Variants in ERAP2 observed in about 807,000 individuals in gnomAD.
ERAP2 encodes the protein leukocyte-derived arginine aminopeptidase.
A neutral mutation model predicts 111.1 loss-of-function variants in ERAP2; 118 were observed. The observed-to-expected ratio is 1.06, with a 90% CI of 0.92 to 1.24. ERAP2 has a LOEUF of 1.24. ERAP2 is among the 50% of genes most tolerant of loss of function. The probability of loss-of-function intolerance (pLI) is 0.00; values close to 1 mark genes in which losing one functional copy is unlikely to be tolerated. For synonymous variants in ERAP2, 410 were observed against 401.2 expected, an observed-to-expected ratio of 1.02 and a Z score of -0.26; for missense variants, 1,131 against 1,125.8, an observed-to-expected ratio of 1.00 and a Z score of -0.07.
intron 13 of ERAP2, among the ~76,000 whole-genome samples, chr5:96,906,460 G>A (rs560451099): frequency 5.1e-4 from 78 of 152,142 alleles, no homozygotes; most frequent in African/African-American, 1.6e-3. Flanking sequence ...CAGAGATGGC[G>A]TCTGCCTATG....
intron 15 of ERAP2, among the ~76,000 whole-genome samples, chr5:96,912,279 TA>T (rs920284274): frequency 6.6e-6 from 1 of 151,878 alleles, no homozygotes; most frequent in African/African-American, 2.4e-5. Context: ...AAAAAAATCT[TA>T]TAGCACCAAT....
intron 15 of ERAP2, among the ~76,000 whole-genome samples, chr5:96,912,387 C>A (rs1422654852): frequency 6.6e-6 from 1 of 151,964 alleles, no homozygotes; most frequent in Admixed American, 6.6e-5. Context: ...ATTTTCACCT[C>A]AGAGTAGGTT....
intron 5 of ERAP2, among the ~76,000 whole-genome samples, chr5:96,891,069 A>G (rs2151145279): frequency 6.6e-6 from 1 of 152,310 alleles, no homozygotes; most frequent in Middle Eastern, 3.4e-3. Flanking sequence ...GCTAACGAAT[A>G]CTAATCTTTA....
At chr5:96,887,651 T>C (rs1783900704) in intron 4 of ERAP2, among the ~76,000 whole-genome samples, 1 of 152,248 alleles carries the variant, frequency 6.6e-6, no homozygotes, top group Non-Finnish European at 1.5e-5. Context: ...AAGATCTTTA[T>C]AATTTTTAGA....
intron 11 of ERAP2, 89 bp from the exon 12 acceptor site, chr5:96,902,185 G>C (rs1411608950): frequency 1.2e-6 from 1 of 852,666 alleles, no homozygotes; most frequent in African/African-American, 1.7e-5. Flanking sequence ...GGGTACTTAG[G>C]TGCCTTTTAC....
chr5:96,888,952 G>A (rs1784048066), intron 4 of ERAP2, among the ~76,000 whole-genome samples: 2 of 152,316 alleles, frequency 1.3e-5, no homozygotes, highest in South Asian at 2.1e-4. Context: ...AGTTACAGAT[G>A]AGCACTGAGG....
intron 5 of ERAP2, 57 bp from the exon 6 acceptor site, chr5:96,892,242 A>T (rs563179464): frequency 1.3e-6 from 2 of 1,578,550 alleles, no homozygotes; most frequent in Non-Finnish European, 1.7e-6. Context: ...CAGAGAGCAA[A>T]TTCTATTTCT....
At chr5:96,916,045 A>G (rs990129198) in intron 18 of ERAP2, among the ~76,000 whole-genome samples, 1 of 151,980 alleles carries the variant, frequency 6.6e-6, no homozygotes, top group Non-Finnish European at 1.5e-5. Context: ...ATATGGTGAA[A>G]CCCTGTCTCT....
At chr5:96,891,466 T>A (rs1171470797) in intron 5 of ERAP2, among the ~76,000 whole-genome samples, 1 of 139,952 alleles carries the variant, frequency 7.1e-6, no homozygotes, top group East Asian at 2.1e-4. Context: ...CACACACATA[T>A]ACAGGTATAT....
chr5:96,912,619 T>G lies in ERAP2; in HGVS notation c.2355-18T>G. ...CTTTCATAAAACTTTTTCTTCATTT[T>G]TATGCTTGATATTACAGTATACCAA... On this transcript the variant is annotated intron_variant, in intron 15 of 18. Coordinates refer to ENST00000437043, the MANE Select transcript of ERAP2 (RefSeq NM_022350.5). 6.4e-7 allele frequency: 1 copy of G among 1,573,900 alleles called. No individual in the cohort carries two copies. Among genetic ancestry groups the G allele is most frequent in the African/African-American group, 1.4e-5 (1 of 71,912 alleles).
intron 5 of ERAP2, among the ~76,000 whole-genome samples, chr5:96,891,521 ATATACG>A (rs1784381894): frequency 1.6e-4 from 5 of 30,450 alleles, no homozygotes; most frequent in Non-Finnish European, 2.7e-4. Context: ...ATATATGCCC[ATATACG>A]GTATATATAC....
intron 4 of ERAP2, among the ~76,000 whole-genome samples, chr5:96,888,773 C>G (rs918750358): frequency 6.6e-6 from 1 of 152,168 alleles, no homozygotes; most frequent in South Asian, 2.1e-4. Flanking sequence ...TTCTTCATGG[C>G]TTCCCACATA....
Position 96,889,227 on chromosome 5 carries a change from T to C in ERAP2, c.892T>C (p.Tyr298His), listed in dbSNP as rs369289834. The change falls in exon 5 of 19, where the codon TAT becomes CAT. Residue 298 changes from tyrosine (Y) to histidine (H), a missense_variant. By Grantham distance (83) the Tyr-to-His change is moderately conservative. Transcript: ENST00000437043. ...CCCAGACAAACGGAATCAAACACAT[T>C]ATGCTTTGCAGGCATCACTGAAGCT... is the stretch of plus-strand genomic sequence containing the variant. ...ASPDKRNQTH[Y>H]ALQASLKLLD... 22 of 1,614,044 alleles carry C rather than the reference T, an allele frequency of 1.4e-5. No individual in the cohort carries two copies. Among genetic ancestry groups the C allele is most frequent in the East Asian group, 4.5e-5 (2 of 44,884 alleles).
At chr5:96,905,337 T>G (rs569307315) in intron 13 of ERAP2, among the ~76,000 whole-genome samples, 76 of 152,296 alleles carry the variant, frequency 5.0e-4, no homozygotes, top group African/African-American at 1.7e-3. Flanking sequence ...TATTTCAAAA[T>G]GCTATTGTTG....
intron 12 of ERAP2, chr5:96,902,697 A>G (rs2548533): frequency 0.54 from 95,582 of 178,386 alleles, 25,923 homozygotes; most frequent in Admixed American, 0.58. Context: ...TTTAAAATTG[A>G]TTGCTTCTGG....
At chr5:96,897,123 G>A (rs191598241) in intron 9 of ERAP2, among the ~76,000 whole-genome samples, 1 of 152,200 alleles carries the variant, frequency 6.6e-6, no homozygotes, top group Non-Finnish European at 1.5e-5. Context: ...ACACTTTTAT[G>A]TTCCCTTGAT....
At position 96,902,295 on chromosome 5, in the gene ERAP2, G is replaced by A; in HGVS notation, c.1770G>A (p.Leu590=). The A allele has an allele frequency of 6.2e-7, 1 of 1,611,018 alleles. No homozygotes were observed. The highest frequency in any genetic ancestry group is 8.5e-7 in the Non-Finnish European group (1 of 1,177,384). The part of the protein sequence containing the change: ...LQERYLWHIP[L]TYSTSSSNVI... ...ATAGGTACCTGTGGCATATCCCATT[G>A]ACCTACTCCACGAGTTCTTCTAATG... The change falls in exon 12 of 19, where the codon TTG becomes TTA. Residue 590 remains leucine (L), a synonymous_variant. Transcript: ENST00000437043.
At chr5:96,884,580 CAG>C (rs1783530809) in intron 3 of ERAP2, among the ~76,000 whole-genome samples, 2 of 115,606 alleles carry the variant, frequency 1.7e-5, no homozygotes, top group Admixed American at 8.9e-5. Context: ...TGTTTTGAGA[CAG>C]AGTCTCTCTC....
chr5:96,896,271 G>T, intron 7 of ERAP2, 102 bp from the exon 8 acceptor site: 1 of 919,694 alleles, frequency 1.1e-6, no homozygotes, highest in African/African-American at 1.7e-5. Context: ...AATATCGATT[G>T]AAATCTTACC....
Sources: allele counts gnomAD v4.1 joint callset (sites outside exome capture counted in the v4.1 genomes callset), GRCh38; gene constraint gnomAD v4.1.1; transcripts MANE v1.5; gene names NCBI Gene and HGNC (gene_info 2026-07-23, HGNC 2026-07-21).